The following CAMK4 variants were observed in gnomAD, a reference collection of about 807,000 sequenced individuals.
CAMK4 encodes calcium/calmodulin dependent protein kinase IV.
In CAMK4, 22 loss-of-function variants were observed where a neutral mutation model predicts 44.9. The ratio of observed to expected loss-of-function variants is 0.49; its 90% CI spans 0.35 to 0.70. The LOEUF (loss-of-function observed/expected upper bound fraction) is 0.70. Ranked by LOEUF, CAMK4 falls within the 30% of genes least tolerant of loss-of-function variation. CAMK4 has a pLI of 0.01. For synonymous variants in CAMK4, 218 were observed against 215.4 expected (o/e 1.01, Z -0.11); for missense variants, 498 against 586.8 (o/e 0.85, Z 1.56).
At chr5:111,421,549 A>C (rs986600399) in intron 5 of CAMK4, among the ~76,000 whole-genome samples, 1 of 152,240 alleles carries the variant, frequency 6.6e-6, no homozygotes, top group African/African-American at 2.4e-5. Flanking sequence ...AAATGCATCC[A>C]AGTGGAAAAT....
chr5:111,335,381 C>T (rs1749358029), intron 1 of CAMK4, among the ~76,000 whole-genome samples: 1 of 151,298 alleles, frequency 6.6e-6, no homozygotes. Flanking sequence ...TGTATTTGGC[C>T]CTTTGAATCC....
chr5:111,325,488 A>C (rs1000089961), intron 1 of CAMK4, among the ~76,000 whole-genome samples: 2 of 152,118 alleles, frequency 1.3e-5, no homozygotes, highest in East Asian at 3.9e-4. Context: ...AACGATGTAA[A>C]AGCATTCCTA....
chr5:111,467,491 T>C (rs1035154998), intron 7 of CAMK4, among the ~76,000 whole-genome samples: 1 of 148,768 alleles, frequency 6.7e-6, no homozygotes, highest in Non-Finnish European at 1.5e-5. Flanking sequence ...AAGGAACTCA[T>C]ACAGATCAGC....
chr5:111,224,761 CTAGT>C lies in CAMK4; in HGVS notation c.161+122_161+125del, dbSNP rs1257450128. ...TTCGTGCCCTTCGATTTCTCCCTACCTAGTTAGTGTCTTGAGAGAGAGCTAACCT... is the reference window on the plus strand; with the variant it reads ...TTCGTGCCCTTCGATTTCTCCCTACCTAGTGTCTTGAGAGAGAGCTAACCT... On this transcript the variant is annotated intron_variant, in intron 1 of 10. Coordinates refer to ENST00000282356, the MANE Select transcript of CAMK4 (RefSeq NM_001744.6). This position sits in a 1 kb window ranked among gnomAD's most constrained non-coding sequence, Gnocchi z 5.7. The C allele has an allele frequency of 5.2e-5, 51 of 981,964 alleles. No individual in the cohort carries two copies. The highest frequency in any genetic ancestry group is 1.0e-4 in the African/African-American group (6 of 59,296). 60.8% of individuals were successfully genotyped at this position (981,964 alleles called of 1,614,324 possible).
At chr5:111,453,329 A>G (rs1443968378) in intron 7 of CAMK4, among the ~76,000 whole-genome samples, 3 of 152,222 alleles carry the variant, frequency 2.0e-5, no homozygotes, top group Non-Finnish European at 4.4e-5. Context: ...ACAAATTTTA[A>G]TCTAGTTATG....
At chr5:111,374,821 C>T in intron 2 of CAMK4, 29 bp from the exon 3 acceptor site, 1 of 1,453,654 alleles carries the variant, frequency 6.9e-7, no homozygotes, top group Non-Finnish European at 9.7e-7. Context: ...GAGTTTCTTT[C>T]AGTTTATCTC....
intron 1 of CAMK4, among the ~76,000 whole-genome samples, chr5:111,338,198 CAT>C (rs1317406450): frequency 6.6e-6 from 1 of 151,100 alleles, no homozygotes; most frequent in Non-Finnish European, 1.5e-5. Flanking sequence ...AGCTAAATAA[CAT>C]ATGAATTACC....
intron 1 of CAMK4, among the ~76,000 whole-genome samples, chr5:111,236,405 C>A (rs1387662966): frequency 6.6e-6 from 1 of 152,242 alleles, no homozygotes; most frequent in Non-Finnish European, 1.5e-5. Flanking sequence ...TTCGAGAATA[C>A]TACCAGGTGT....
intron 1 of CAMK4, among the ~76,000 whole-genome samples, chr5:111,309,225 A>G (rs968271683): frequency 6.6e-6 from 1 of 152,218 alleles, no homozygotes; most frequent in Non-Finnish European, 1.5e-5. Context: ...GTAAGCATGT[A>G]CACCAAACCA....
chr5:111,478,402 C>A lies in CAMK4; in HGVS notation c.723C>A (p.Phe241Leu). The change falls in exon 9 of 11, where the codon TTC becomes TTA. Residue 241 changes from phenylalanine (F) to leucine (L), a missense_variant. Coordinates refer to ENST00000282356, the MANE Select transcript of CAMK4 (RefSeq NM_001744.6). ...TYILLCGFEP[F>L]YDERGDQFMF... ...CTAGACTTTGTGGATTTGAACCATTCTATGATGAAAGAGGCGATCAGTTCA... is the reference window on the plus strand; with the variant it reads ...CTAGACTTTGTGGATTTGAACCATTATATGATGAAAGAGGCGATCAGTTCA... The A allele has an allele frequency of 6.3e-7, 1 of 1,574,976 alleles. No homozygotes were observed. Among genetic ancestry groups the A allele is most frequent in the Non-Finnish European group, 8.7e-7 (1 of 1,148,942 alleles).
rs1336705922 is a variant in CAMK4, at chr5:111,224,386, C to CT, written c.-97dup. 2.1e-6 allele frequency: 3 copies of CT among 1,434,588 alleles called. No homozygotes were observed. Among genetic ancestry groups the CT allele is most frequent in the Non-Finnish European group, 2.7e-6 (3 of 1,098,900 alleles). The allele number at this position is 1,434,588 out of a possible 1,614,324, so 88.9% of individuals were successfully genotyped here. On this transcript the variant is annotated 5_prime_UTR_variant, in exon 1 of 11. Coordinates refer to ENST00000282356, the MANE Select transcript of CAMK4 (RefSeq NM_001744.6). The surrounding 1 kb of genome is among the most constrained non-coding windows in gnomAD (Gnocchi z 5.7). The stretch of plus-strand genomic sequence containing the variant: ...TGCGCGCGTGAAGGACGCCGCCTCT[C>CT]TCTCGCTCCTGCGTTCGCAGGCGGC...
chr5:111,382,741 T>G (rs997962321), intron 4 of CAMK4, among the ~76,000 whole-genome samples: 1 of 152,196 alleles, frequency 6.6e-6, no homozygotes, highest in African/African-American at 2.4e-5. Context: ...TAATAATAAT[T>G]AAATAAGATT....
intron 5 of CAMK4, among the ~76,000 whole-genome samples, chr5:111,443,279 TACACACACACACAC>T (rs60644060): frequency 8.3e-4 from 31 of 37,474 alleles, no homozygotes; most frequent in African/African-American, 1.1e-3. Context: ...TATATATATA[TACACACACACACAC>T]ACACACACAC....
At chr5:111,251,087 G>A (rs1196397515) in intron 1 of CAMK4, among the ~76,000 whole-genome samples, 1 of 152,218 alleles carries the variant, frequency 6.6e-6, no homozygotes, top group Non-Finnish European at 1.5e-5. Context: ...CTTCAAAAGT[G>A]GGAGACATTG....
At chr5:111,375,179 GTT>G (rs1311784664) in intron 3 of CAMK4, among the ~76,000 whole-genome samples, 2 of 152,080 alleles carry the variant, frequency 1.3e-5, no homozygotes, top group African/African-American at 4.8e-5. Context: ...AAATCGAAGA[GTT>G]TTGTTTTTCT....
At chr5:111,244,697 T>A (rs1580471490) in intron 1 of CAMK4, among the ~76,000 whole-genome samples, 1 of 152,008 alleles carries the variant, frequency 6.6e-6, no homozygotes, top group Middle Eastern at 3.4e-3. Context: ...CCCATCTCTA[T>A]TAAAAATACA....
intron 1 of CAMK4, among the ~76,000 whole-genome samples, chr5:111,226,133 G>T (rs1748181103): frequency 6.6e-6 from 1 of 152,160 alleles, no homozygotes; most frequent in Non-Finnish European, 1.5e-5. Context: ...TGCAGGGACT[G>T]TCCCAGTAGC....
At chr5:111,245,025 T>C (rs1272228971) in intron 1 of CAMK4, among the ~76,000 whole-genome samples, 1 of 152,190 alleles carries the variant, frequency 6.6e-6, no homozygotes, top group East Asian at 1.9e-4. Flanking sequence ...ATGAATATGA[T>C]GAATATATTG....
At chr5:111,242,297 T>G (rs1580468368) in intron 1 of CAMK4, among the ~76,000 whole-genome samples, 1 of 152,114 alleles carries the variant, frequency 6.6e-6, no homozygotes, top group East Asian at 1.9e-4. Flanking sequence ...TTTGAAGGGG[T>G]ATAATAATAA....
Sources: gnomAD v4.1 joint callset for allele counts (sites outside exome capture counted in the v4.1 genomes callset) on GRCh38, gnomAD v4.1.1 for gene constraint, Gnocchi (gnomAD v3.1) non-coding constraint, MANE v1.5 for transcripts, NCBI Gene and HGNC (gene_info 2026-07-23, HGNC 2026-07-21) for gene names.